Variants in OSBP2 observed in about 807,000 individuals in gnomAD.
OSBP2 encodes the protein oxysterol-binding protein 2.
A neutral mutation model predicts 96.0 loss-of-function variants in OSBP2; 66 were observed. The ratio of observed to expected loss-of-function variants is 0.69; its 90% CI spans 0.56 to 0.84. The LOEUF (loss-of-function observed/expected upper bound fraction) is 0.84, where lower values mean the gene tolerates loss of function less well. OSBP2 is among the 40% of genes least tolerant of loss of function. The probability of loss-of-function intolerance (pLI) is 0.00; values close to 1 mark genes in which losing one functional copy is unlikely to be tolerated. For synonymous variants in OSBP2, 525 were observed against 520.9 expected (o/e 1.01, Z -0.11); for missense variants, 1,038 against 1,222.7 (o/e 0.85, Z 2.25).
intron 2 of OSBP2, among the ~76,000 whole-genome samples, chr22:30,867,722 A>T (rs1251600545): frequency 6.6e-6 from 1 of 152,228 alleles, no homozygotes; most frequent in Admixed American, 6.5e-5. Context: ...TGTACTCTTG[A>T]ATAACAAGTT....
intron 2 of OSBP2, among the ~76,000 whole-genome samples, chr22:30,829,072 A>G (rs1051999824): frequency 3.9e-5 from 6 of 152,054 alleles, no homozygotes. Flanking sequence ...TGTGGAGGCG[A>G]TGGGGCTGGG....
At chr22:30,847,978 C>T (rs2038904656) in intron 2 of OSBP2, among the ~76,000 whole-genome samples, 1 of 152,096 alleles carries the variant, frequency 6.6e-6, no homozygotes, top group African/African-American at 2.4e-5. Flanking sequence ...TTTTAAAACA[C>T]ATATACTATA....
intron 2 of OSBP2, among the ~76,000 whole-genome samples, chr22:30,855,878 G>C (rs2039067860): frequency 1.3e-5 from 2 of 152,228 alleles, no homozygotes; most frequent in East Asian, 1.9e-4. Flanking sequence ...GGAGAGTTCA[G>C]ATTTTGCCAG....
chr22:30,905,325 G>A (rs908692873), intron 12 of OSBP2, among the ~76,000 whole-genome samples: 10 of 151,320 alleles, frequency 6.6e-5, no homozygotes, highest in African/African-American at 2.4e-4. Flanking sequence ...CTAATTTTTA[G>A]TAGAAACGGG....
intron 2 of OSBP2, among the ~76,000 whole-genome samples, chr22:30,769,638 G>C (rs1439249377): frequency 2.0e-5 from 3 of 152,054 alleles, no homozygotes; most frequent in Non-Finnish European, 4.4e-5. Flanking sequence ...AACAGAGAGA[G>C]ACTCCATCTC....
chr22:30,831,961 T>A (rs2038532031), intron 2 of OSBP2, among the ~76,000 whole-genome samples: 1 of 152,196 alleles, frequency 6.6e-6, no homozygotes, highest in South Asian at 2.1e-4. Context: ...TGTGCCTACT[T>A]TGACCTCACC....
intron 2 of OSBP2, among the ~76,000 whole-genome samples, chr22:30,757,338 C>T (rs1212641339): frequency 5.9e-5 from 9 of 152,170 alleles, no homozygotes; most frequent in Non-Finnish European, 8.8e-5. Flanking sequence ...GACATTTCTC[C>T]CCTTTGAAGC....
intron 2 of OSBP2, among the ~76,000 whole-genome samples, chr22:30,833,823 T>C (rs1336643787): frequency 2.0e-5 from 3 of 152,238 alleles, no homozygotes; most frequent in Non-Finnish European, 4.4e-5. Flanking sequence ...ACCTAAACCA[T>C]GGTGATATGA....
chr22:30,757,471 A>C (rs896464877), intron 2 of OSBP2, among the ~76,000 whole-genome samples: 6 of 151,658 alleles, frequency 4.0e-5, no homozygotes, highest in Non-Finnish European at 8.8e-5. Flanking sequence ...AAGCTGGAGT[A>C]CAATGGCATG....
In OSBP2 at chr22:30,695,326, C is replaced by T. The variant is rs779791003; in HGVS notation, c.417C>T (p.Pro139=). ...TGGGGAGCGCGACCTTTCTCAGACC[C>T]GAGTCAGGATCGCTGCCAGCGTTAA... ...RAVGSATFLR[P]ESGSLPALKP... is the part of the protein sequence containing the mutation. Residue 139 remains proline, a synonymous_variant, in exon 1 of 14, where the codon CCC becomes CCT. Coordinates refer to ENST00000332585, the MANE Select transcript of OSBP2 (RefSeq NM_030758.4). The T allele has an allele frequency of 3.7e-6, 6 of 1,613,438 alleles. No individual in the cohort carries two copies. In the African/African-American group the frequency reaches 4.0e-5, roughly 11 times the overall value.
upstream of OSBP2, chr22:30,693,925 A>T: frequency 1.3e-6 from 1 of 750,936 alleles, no homozygotes; most frequent in Non-Finnish European, 2.2e-6. Flanking sequence ...AGATCACGCC[A>T]CTGCATTCCA....
chr22:30,904,169 G>A (rs951836100), intron 12 of OSBP2, among the ~76,000 whole-genome samples: 1 of 152,212 alleles, frequency 6.6e-6, no homozygotes, highest in African/African-American at 2.4e-5. Flanking sequence ...GCAGGGTGAT[G>A]GCAGGGCAGC....
chr22:30,866,825 G>A (rs1364904642), intron 2 of OSBP2, among the ~76,000 whole-genome samples: 2 of 152,168 alleles, frequency 1.3e-5, no homozygotes, highest in Non-Finnish European at 2.9e-5. Flanking sequence ...ACAAACAAGT[G>A]GCTTAAAATG....
At chr22:30,702,423 G>C (rs1302232718) in intron 1 of OSBP2, among the ~76,000 whole-genome samples, 1 of 152,152 alleles carries the variant, frequency 6.6e-6, no homozygotes, top group Non-Finnish European at 1.5e-5. Flanking sequence ...AGACCAGCCT[G>C]ACCAACATGG....
intron 8 of OSBP2, 70 bp from the exon 9 acceptor site, chr22:30,893,051 TC>T: frequency 6.3e-7 from 1 of 1,584,150 alleles, no homozygotes; most frequent in Non-Finnish European, 8.6e-7. Flanking sequence ...AAGCTGTCCC[TC>T]CCTGGCTGGG....
At chr22:30,906,091 G>T in intron 13 of OSBP2, 22 bp downstream of exon 13, 2 of 1,522,112 alleles carry the variant, frequency 1.3e-6, no homozygotes, top group Non-Finnish European at 8.9e-7. Context: ...CGGGAAGGGC[G>T]CCCCGGAGGG....
Position 30,870,554 on chromosome 22 carries a change from G to T in OSBP2, c.979G>T (p.Gly327Cys), listed in dbSNP as rs767615113. Reference protein sequence around the residue: ...STCNDLIAKHGAALQRSLTEL... With the variant: ...STCNDLIAKHCAALQRSLTEL... ...GTGCAATGACCTCATCGCCAAGCAC[G>T]GCGCTGCACTCCAGCGCTCCCTGAC... Residue 327 changes from glycine to cysteine, a missense_variant, in exon 3 of 14, where the codon GGC becomes TGC. By Grantham distance (159) the Gly-to-Cys change is radical. Around this residue, in one of 3 missense-constraint regions of OSBP2, gnomAD observed 737 missense variants for 913.3 expected, o/e 0.81. Coordinates refer to ENST00000332585, the MANE Select transcript of OSBP2 (RefSeq NM_030758.4). The surrounding 1 kb of genome is among the most constrained non-coding windows in gnomAD (Gnocchi z 4.1). The T allele has an allele frequency of 3.7e-6, 6 of 1,614,072 alleles. No homozygotes were observed. The highest frequency in any genetic ancestry group is 5.1e-6 in the Non-Finnish European group (6 of 1,180,004).
At chr22:30,899,267 T>C (rs904748101) in intron 12 of OSBP2, among the ~76,000 whole-genome samples, 1 of 151,860 alleles carries the variant, frequency 6.6e-6, no homozygotes, top group African/African-American at 2.4e-5. Flanking sequence ...GTAGTACACA[T>C]GTGTAGTACA....
chr22:30,820,245 T>C (rs1250441593), intron 2 of OSBP2, among the ~76,000 whole-genome samples: 1 of 151,950 alleles, frequency 6.6e-6, no homozygotes, highest in Non-Finnish European at 1.5e-5. Context: ...AAAAATTAGC[T>C]GGACACGGTG....
Sources: gnomAD v4.1 joint callset for allele counts (sites outside exome capture counted in the v4.1 genomes callset) on GRCh38, gnomAD v4.1.1 for gene constraint, gnomAD v4.1.1 regional missense constraint, Gnocchi (gnomAD v3.1) non-coding constraint, MANE v1.5 for transcripts, NCBI Gene and HGNC (gene_info 2026-07-23, HGNC 2026-07-21) for gene names.